SYT15B: variants seen among roughly 807,000 people sequenced by gnomAD.
SYT15B encodes the protein synaptotagmin-15.
At chr10:47,747,194 G>A in the SYT15B span, among the ~76,000 whole-genome samples, 2 of 151,898 alleles carry the variant, frequency 1.3e-5, no homozygotes, top group Non-Finnish European at 2.9e-5. Context: ...ATAGCTAAGA[G>A]GCAGCAAAGG....
chr10:47,755,073 C>T, the SYT15B span, among the ~76,000 whole-genome samples: 696 of 148,016 alleles, frequency 4.7e-3, 2 homozygotes, highest in Non-Finnish European at 8.1e-3. Context: ...TCTTCTGCTT[C>T]AGCCTCCCGA....
the SYT15B span, among the ~76,000 whole-genome samples, chr10:47,747,801 TGG>T: frequency 6.6e-6 from 1 of 151,346 alleles, no homozygotes. Context: ...ACTTGATGGG[TGG>T]AATAGAGACT....
chr10:47,749,961 C>T, the SYT15B span, among the ~76,000 whole-genome samples: 1 of 151,730 alleles, frequency 6.6e-6, no homozygotes, highest in Non-Finnish European at 1.5e-5. Context: ...GTAGAGAAAG[C>T]CATTTCACAT....
the SYT15B span, among the ~76,000 whole-genome samples, chr10:47,744,842 A>C: frequency 6.6e-6 from 1 of 151,948 alleles, no homozygotes; most frequent in African/African-American, 2.4e-5. Flanking sequence ...TGGATCACAA[A>C]ATTCACATGA....
chr10:47,746,665 T>A, the SYT15B span, among the ~76,000 whole-genome samples: 2 of 130,272 alleles, frequency 1.5e-5, no homozygotes, highest in African/African-American at 2.8e-5. Flanking sequence ...GCAACAAGAG[T>A]GAAACCCTAA....
At chr10:47,750,378 TTA>T in the SYT15B span, among the ~76,000 whole-genome samples, 50 of 131,870 alleles carry the variant, frequency 3.8e-4, no homozygotes, top group African/African-American at 1.3e-3. Context: ...TTGTTTATAC[TTA>T]TGTCATAAAC....
At chr10:47,750,745 AAATTT>A in the SYT15B span, 1 of 148,108 alleles carries the variant, frequency 6.8e-6, no homozygotes, top group Non-Finnish European at 1.5e-5. Flanking sequence ...ACTTAAATCT[AAATTT>A]TATTTTATTT....
At chr10:47,746,471 C>T in the SYT15B span, among the ~76,000 whole-genome samples, 1 of 64,688 alleles carries the variant, frequency 1.5e-5, no homozygotes, top group African/African-American at 4.7e-5. Context: ...GCCTGGGCAA[C>T]AAGAGCAAAA....
the SYT15B span, among the ~76,000 whole-genome samples, chr10:47,748,517 C>T: frequency 6.6e-6 from 1 of 152,282 alleles, no homozygotes; most frequent in Admixed American, 6.5e-5. Context: ...CCGACCCAGG[C>T]ACACTATACT....
chr10:47,761,132 G>C, the SYT15B span, among the ~76,000 whole-genome samples: 3 of 146,112 alleles, frequency 2.1e-5, no homozygotes, highest in African/African-American at 7.6e-5. Context: ...ACACACAGCA[G>C]TGGGATTTGG....
chr10:47,756,541 C>T, the SYT15B span, among the ~76,000 whole-genome samples: 1 of 136,576 alleles, frequency 7.3e-6, no homozygotes, highest in African/African-American at 2.7e-5. Context: ...CTCACTGGGC[C>T]CCCAGGCCCC....
At chr10:47,755,325 G>A in the SYT15B span, among the ~76,000 whole-genome samples, 9 of 151,940 alleles carry the variant, frequency 5.9e-5, no homozygotes, top group South Asian at 6.2e-4. Flanking sequence ...GTGCGATCTC[G>A]GCTCACTGCA....
chr10:47,751,262 T>C, the SYT15B span: 1 of 139,312 alleles, frequency 7.2e-6, no homozygotes, highest in Non-Finnish European at 1.5e-5. Flanking sequence ...GCCAAACTTA[T>C]TAGCTCTAGT....
chr10:47,757,061 G>A, the SYT15B span: 1 of 119,630 alleles, frequency 8.4e-6, no homozygotes, highest in Non-Finnish European at 1.6e-5. Flanking sequence ...TGTCGACCGA[G>A]GGACAGCACG....
chr10:47,761,104 A>ACACG, the SYT15B span, among the ~76,000 whole-genome samples: 2 of 84,864 alleles, frequency 2.4e-5, no homozygotes, highest in African/African-American at 8.3e-5. Flanking sequence ...ACACACACGC[A>ACACG]CACACACACA....
the SYT15B span, chr10:47,753,128 A>G: frequency 4.1e-5 from 40 of 980,960 alleles, 1 homozygote; most frequent in African/African-American, 5.5e-4. Context: ...AAATAAAAAA[A>G]AAAAAGAAAA....
At chr10:47,753,181 C>T in the SYT15B span, 10 of 955,044 alleles carry the variant, frequency 1.0e-5, no homozygotes, top group Non-Finnish European at 1.2e-5. Flanking sequence ...ATGTGCTGTT[C>T]TAGTTACACA....
At chr10:47,763,379 A>G in the SYT15B span, 1 of 985,690 alleles carries the variant, frequency 1.0e-6, no homozygotes, top group African/African-American at 1.7e-5. Flanking sequence ...TAACGTTCGT[A>G]TGCTGGGTTC....
At chr10:47,748,397 G>C in the SYT15B span, among the ~76,000 whole-genome samples, 3 of 150,922 alleles carry the variant, frequency 2.0e-5, no homozygotes, top group Non-Finnish European at 4.4e-5. Flanking sequence ...TTTTTTAGTG[G>C]AGACGGGGTT....
Sources: gnomAD v4.1 joint callset for allele counts (sites outside exome capture counted in the v4.1 genomes callset) on GRCh38, gnomAD v4.1.1 for gene constraint, MANE v1.5 for transcripts, NCBI Gene and HGNC (gene_info 2026-07-23, HGNC 2026-07-21) for gene names.